The following TJP3 variants were observed in gnomAD, a reference collection of about 807,000 sequenced individuals.
The protein encoded by TJP3 is tight junction protein ZO-3.
Under a neutral mutation model 104.2 loss-of-function variants are expected in TJP3, and 85 were observed. The ratio of observed to expected loss-of-function variants is 0.82; its 90% CI spans 0.68 to 0.98. The LOEUF is 0.98. Ranked by LOEUF, TJP3 falls within the 50% of genes least tolerant of loss-of-function variation. TJP3 has a pLI of 0.00. For synonymous variants in TJP3, 550 were observed against 550.6 expected, an observed-to-expected ratio of 1.00 and a Z score of 0.02; for missense variants, 1,367 against 1,322.8, an observed-to-expected ratio of 1.03 and a Z score of -0.52.
At chr19:3,725,533 A>G (rs184922319) in intron 1 of TJP3, among the ~76,000 whole-genome samples, 1 of 152,182 alleles carries the variant, frequency 6.6e-6, no homozygotes, top group East Asian at 1.9e-4. Flanking sequence ...CTCTACTAAA[A>G]ATACAAAAAG....
rs1176256181 is a variant in TJP3 at position 3,748,096 on chromosome 19, G to C, written c.2610+15G>C. ...AGGGGGCCCAGGTGCGTCGGACATG[G>C]GGGGCAGGCCTGGGAAGGGTCTCCG... On this transcript the variant is annotated intron_variant, in intron 19 of 20. Transcript: ENST00000541714. 1 of 1,539,650 alleles carries C rather than the reference G, an allele frequency of 6.5e-7. No homozygotes were observed. Among genetic ancestry groups the C allele is most frequent in the Non-Finnish European group, 8.8e-7 (1 of 1,140,188 alleles).
At position 3,749,727 on chromosome 19, in the gene TJP3, G is replaced by C. The variant is rs190794796; in HGVS notation, c.2611-411G>C. ...AGCATCTTCTTCCACACCCTCTCTA[G>C]GTCAATGTAAAAATCTATGAATCAA... On this transcript the variant is annotated intron_variant, in intron 19 of 20. Coordinates refer to ENST00000541714, the MANE Select transcript of TJP3 (RefSeq NM_001267560.2). 15 of 216,896 alleles carry C rather than the reference G, an allele frequency of 6.9e-5. No individual in the cohort carries two copies. In the South Asian group the frequency reaches 1.2e-3, roughly 17 times the overall value. 13.4% of individuals were successfully genotyped at this position (216,896 alleles called of 1,614,324 possible).
At position 3,728,415 on chromosome 19, in the gene TJP3, C is replaced by T. The variant is rs749628150; in HGVS notation, c.-9-9C>T. 2.5e-6 allele frequency: 4 copies of T among 1,614,216 alleles called. No homozygotes were observed. The highest frequency in any genetic ancestry group is 3.4e-6 in the Non-Finnish European group (4 of 1,180,026). ...CCTCATGCCCATCTTCCCCGCTCCC[C>T]TCGACCAGGTGGCTGACATGGAGGA... On this transcript the variant is annotated splice_polypyrimidine_tract_variant and intron_variant, in intron 1 of 20. Coordinates refer to ENST00000541714, the MANE Select transcript of TJP3 (RefSeq NM_001267560.2).
chr19:3,709,705 G>T (rs995454048), intron 1 of TJP3, among the ~76,000 whole-genome samples: 2 of 152,296 alleles, frequency 1.3e-5, no homozygotes, highest in East Asian at 3.9e-4. Context: ...GAGCTCCCAG[G>T]GAGCAGGCTT....
rs753043996 is a variant in TJP3, at chr19:3,747,807, T to C, written c.2336T>C (p.Leu779Ser). 30 of 1,596,594 alleles carry C rather than the reference T, an allele frequency of 1.9e-5. No individual in the cohort carries two copies. Among genetic ancestry groups the C allele is most frequent in the Non-Finnish European group, 2.2e-5 (26 of 1,174,134 alleles). Residue 779 changes from leucine (L) to serine (S), a missense_variant, in exon 19 of 21, where the codon TTG becomes TCG. Transcript: ENST00000541714. ...CCCACCCCACAGCTGGATGGCTCCT[T>C]GGAGGACAACCTAGACCTCCCTCAC... ...WTAEDQLDGSLEDNLDLPHHG... is the reference protein window; with the variant it reads ...WTAEDQLDGSSEDNLDLPHHG...
At chr19:3,745,961 G>C in intron 15 of TJP3, 50 bp from the exon 16 acceptor site, 3 of 1,496,046 alleles carry the variant, frequency 2.0e-6, no homozygotes, top group African/African-American at 1.4e-5. Flanking sequence ...TGAATTTGAG[G>C]GGACGGGGGC....
chr19:3,740,500 G>A, intron 13 of TJP3, 52 bp from the exon 14 acceptor site: 1 of 1,228,234 alleles, frequency 8.1e-7, no homozygotes, highest in Non-Finnish European at 1.0e-6. Context: ...ACGTCTTTGG[G>A]GCCACCATGC....
rs2036888970 is a variant in TJP3, at chr19:3,746,422, CTT to C, written c.2011-61_2011-60del. 3.9e-6 allele frequency: 6 copies of C among 1,558,038 alleles called. No homozygotes were observed. The African/African-American group carries it at 5.4e-5, about 14-fold the overall frequency. On this transcript the variant is annotated intron_variant, in intron 16 of 20. Coordinates refer to ENST00000541714, the MANE Select transcript of TJP3 (RefSeq NM_001267560.2). The surrounding 1 kb of genome is among the most constrained non-coding windows in gnomAD (Gnocchi z 4.1). ...GACCTCAGACTCTTCATCTTTCTATCTTTCTCTCTCTGTTTACCCTGCTGCAA... is the reference window on the plus strand; with the variant it reads ...GACCTCAGACTCTTCATCTTTCTATCTCTCTCTCTGTTTACCCTGCTGCAA...
chr19:3,748,446 ATT>A lies in TJP3; in HGVS notation c.2610+369_2610+370del, dbSNP rs1200533444. On this transcript the variant is annotated intron_variant, in intron 19 of 20. Coordinates refer to ENST00000541714, the MANE Select transcript of TJP3 (RefSeq NM_001267560.2). ...GCCACCATGCCCGGCTAATTTTTGT[ATT>A]TTTAGTAGAGACGGGGTTTCACCAT... Among the ~76,000 whole-genome samples the A allele has an allele frequency of 2.1e-5, 3 of 145,622 alleles. No homozygotes were observed. In the East Asian group the frequency reaches 6.1e-4, roughly 30 times the overall value.
rs2052079 is a variant in TJP3, at chr19:3,741,747, T to A, written c.1843+984T>A. Among the ~76,000 whole-genome samples, 123 of 148,610 alleles carry A rather than the reference T, an allele frequency of 8.3e-4. No individual in the cohort carries two copies. The East Asian group carries it at 0.024, about 29-fold the overall frequency. On this transcript the variant is annotated intron_variant, in intron 14 of 20. Coordinates refer to ENST00000541714, the MANE Select transcript of TJP3 (RefSeq NM_001267560.2). ...GGTTTGGGAGGCTGAGGCAGGTGGA[T>A]CACCTGAGGTCAGGAGCTCTAGACC...
chr19:3,737,645 T>G (rs940429610), intron 11 of TJP3, among the ~76,000 whole-genome samples: 2 of 152,182 alleles, frequency 1.3e-5, no homozygotes, highest in Admixed American at 1.3e-4. Context: ...CTCATGACCT[T>G]GCTTGTGTCT....
intron 1 of TJP3, among the ~76,000 whole-genome samples, chr19:3,722,531 A>G (rs997733533): frequency 8.4e-6 from 1 of 119,484 alleles, no homozygotes. Context: ...ATTACCAGGC[A>G]GAGGCAGGGG....
At position 3,745,884 on chromosome 19, in the gene TJP3, T is replaced by C. The variant is rs1568388086; in HGVS notation, c.1940-127T>C. The C allele has an allele frequency of 6.7e-6, 5 of 751,122 alleles. No individual in the cohort carries two copies. In the East Asian group the frequency reaches 8.1e-5, roughly 12 times the overall value. The allele number at this position is 751,122 out of a possible 1,614,324, so 46.5% of individuals were successfully genotyped here. On this transcript the variant is annotated intron_variant, in intron 15 of 20. Coordinates refer to ENST00000541714, the MANE Select transcript of TJP3 (RefSeq NM_001267560.2). ...GGCCAACATGAGTTTCTGCTGCTGT[T>C]AGGATTTCTCTCCAGGGCAATGGGG...
chr19:3,721,814 C>CCCCAG (rs1318933036), intron 1 of TJP3: 2 of 843,866 alleles, frequency 2.4e-6, no homozygotes, highest in East Asian at 6.7e-5. Context: ...CAGCCCCCTC[C>CCCCAG]CCCAGCCCGG....
At chr19:3,737,373 G>A (rs1046294843) in intron 11 of TJP3, among the ~76,000 whole-genome samples, 5 of 152,078 alleles carry the variant, frequency 3.3e-5, no homozygotes, top group African/African-American at 1.2e-4. Flanking sequence ...TGACCGTCTT[G>A]TATGTCCTAA....
intron 1 of TJP3, among the ~76,000 whole-genome samples, chr19:3,714,441 G>T (rs576631291): frequency 6.6e-6 from 1 of 151,224 alleles, no homozygotes; most frequent in African/African-American, 2.4e-5. Context: ...GCCTCCCAAA[G>T]TGCTGGGATT....
Position 3,736,276 on chromosome 19 carries a change from C to G in TJP3, c.1239C>G (p.Ser413Arg). ...TCGTGTCCGGGGTGCAGGCGGGCAG[C>G]CCGGCCGACGGGCAGGGCATCCAGG... The part of the protein sequence containing the change: ...GIFVSGVQAG[S>R]PADGQGIQEG... Residue 413 changes from serine (S) to arginine (R), a missense_variant, in exon 11 of 21, where the codon AGC (serine) becomes AGG (arginine). Ser to Arg is a moderately radical substitution (Grantham distance 110). Transcript: ENST00000541714. The G allele has an allele frequency of 3.2e-6, 5 of 1,539,540 alleles. No homozygotes were observed. Among genetic ancestry groups the G allele is most frequent in the Non-Finnish European group, 4.4e-6 (5 of 1,145,762 alleles).
intron 15 of TJP3, 105 bp downstream of exon 15, chr19:3,744,139 C>A: frequency 3.0e-6 from 3 of 1,006,992 alleles, no homozygotes; most frequent in Admixed American, 2.0e-5. Flanking sequence ...AAACATGAAG[C>A]AGATGGGCCA....
rs1272784705 is a variant in TJP3, at chr19:3,746,601, G to A, written c.2127G>A (p.Leu709=). 6.2e-7 allele frequency: 1 copy of A among 1,613,492 alleles called. No individual in the cohort carries two copies. Among genetic ancestry groups the A allele is most frequent in the South Asian group, 1.1e-5 (1 of 91,080 alleles). Residue 709 remains leucine (L), a synonymous_variant, in exon 17 of 21, where the codon CTG becomes CTA. Transcript: ENST00000541714. The surrounding 1 kb of genome is among the most constrained non-coding windows in gnomAD (Gnocchi z 4.1). ...AGAGCCGGCCGGCCCTCAAGGCACT[G>A]CGCCAGTGGCTGGCGCCTGCCTCCC... ...IPESRPALKA[L]RQWLAPASRR... is the part of the protein sequence containing the mutation.
Sources: gnomAD v4.1 joint callset for allele counts (sites outside exome capture counted in the v4.1 genomes callset) on GRCh38, gnomAD v4.1.1 for gene constraint, Gnocchi (gnomAD v3.1) non-coding constraint, MANE v1.5 for transcripts, NCBI Gene and HGNC (gene_info 2026-07-23, HGNC 2026-07-21) for gene names.